The following MAF variants were observed in gnomAD, a reference collection of about 807,000 sequenced individuals.
MAF encodes transcription factor Maf.
Under a neutral mutation model 22.0 loss-of-function variants are expected in MAF, and 10 were observed. The observed-to-expected ratio is 0.45, with a 90% CI of 0.28 to 0.77. The LOEUF is 0.77. Ranked by LOEUF, MAF falls within the 30% of genes least tolerant of loss-of-function variation. The pLI is 0.12. For missense variants in MAF, 544 were observed against 548.4 expected, an observed-to-expected ratio of 0.99 and a Z score of 0.08; for synonymous variants, 337 against 255.8, an observed-to-expected ratio of 1.32 and a Z score of -3.03.
At chr16:79,370,850 G>C in the MAF span, among the ~76,000 whole-genome samples, 1 of 152,066 alleles carries the variant, frequency 6.6e-6, no homozygotes, top group Non-Finnish European at 1.5e-5. Flanking sequence ...CTGTGTAGTG[G>C]TGTGGTTGTC....
chr16:79,449,831 G>A, the MAF span, among the ~76,000 whole-genome samples: 1 of 152,206 alleles, frequency 6.6e-6, no homozygotes, highest in South Asian at 2.1e-4. Flanking sequence ...GGTAACTCTA[G>A]AAGAGGTTCA....
chr16:79,285,927 A>C, the MAF span, among the ~76,000 whole-genome samples: 1 of 152,210 alleles, frequency 6.6e-6, no homozygotes, highest in Non-Finnish European at 1.5e-5. Context: ...AAGGGGCACC[A>C]TCTCTGCCCC....
the MAF span, among the ~76,000 whole-genome samples, chr16:79,269,826 T>C: frequency 6.6e-6 from 1 of 152,142 alleles, no homozygotes; most frequent in African/African-American, 2.4e-5. Flanking sequence ...TCCACGGACC[T>C]ACTTTCTATT....
chr16:79,401,599 G>C, the MAF span, among the ~76,000 whole-genome samples: 1 of 152,116 alleles, frequency 6.6e-6, no homozygotes. Flanking sequence ...ATGTACTCAT[G>C]AACTTTAGAG....
At chr16:79,217,898 T>C in the MAF span, among the ~76,000 whole-genome samples, 1 of 141,832 alleles carries the variant, frequency 7.1e-6, no homozygotes, top group African/African-American at 2.6e-5. Flanking sequence ...ATGACGTTCA[T>C]CAAGGTCAAC....
chr16:79,370,000 G>A, the MAF span, among the ~76,000 whole-genome samples: 27 of 152,166 alleles, frequency 1.8e-4, no homozygotes, highest in African/African-American at 6.0e-4. Flanking sequence ...GAAATGTCAC[G>A]GAGGTGACTC....
the MAF span, among the ~76,000 whole-genome samples, chr16:79,571,848 T>C: frequency 6.6e-6 from 1 of 152,162 alleles, no homozygotes; most frequent in Non-Finnish European, 1.5e-5. Flanking sequence ...CATCATTTCT[T>C]TGCAGGAAGT....
the MAF span, among the ~76,000 whole-genome samples, chr16:79,324,579 C>T: frequency 6.6e-5 from 10 of 152,084 alleles, no homozygotes; most frequent in African/African-American, 2.4e-4. Context: ...AAATAAGAAT[C>T]GGAGGTCCAG....
chr16:79,533,522 G>C, the MAF span, among the ~76,000 whole-genome samples: 91 of 152,304 alleles, frequency 6.0e-4, no homozygotes, highest in African/African-American at 2.1e-3. Flanking sequence ...GGTTGAGTGA[G>C]AGGGAGGAAG....
the MAF span, among the ~76,000 whole-genome samples, chr16:79,475,892 G>A: frequency 6.6e-6 from 1 of 152,146 alleles, no homozygotes. Context: ...TCTTTCCCTT[G>A]AGTGGGGTCA....
At chr16:79,205,485 C>T in the MAF span, 2 of 152,212 alleles carry the variant, frequency 1.3e-5, no homozygotes, top group Non-Finnish European at 2.9e-5. Context: ...ATGTTCTCTT[C>T]TGGAGGGCTA....
chr16:79,590,066 C>A (rs1038946283), downstream of MAF, among the ~76,000 whole-genome samples: 1 of 152,164 alleles, frequency 6.6e-6, no homozygotes, highest in Non-Finnish European at 1.5e-5. Flanking sequence ...CCTCGGGGGA[C>A]CTCAGAGGGT....
the MAF span, among the ~76,000 whole-genome samples, chr16:79,210,364 G>A: frequency 6.6e-6 from 1 of 152,180 alleles, no homozygotes; most frequent in Non-Finnish European, 1.5e-5. Flanking sequence ...TGCAAGCATA[G>A]TGATTGCAAA....
the MAF span, among the ~76,000 whole-genome samples, chr16:79,500,637 A>G: frequency 4.6e-5 from 7 of 152,136 alleles, no homozygotes; most frequent in African/African-American, 1.7e-4. Flanking sequence ...AGTTCTGTTC[A>G]TCTAATCTCT....
At chr16:79,267,148 G>T in the MAF span, among the ~76,000 whole-genome samples, 1 of 152,206 alleles carries the variant, frequency 6.6e-6, no homozygotes, top group South Asian at 2.1e-4. Context: ...GAACAACAAA[G>T]TTCAATTTTG....
chr16:79,238,596 A>C, the MAF span, among the ~76,000 whole-genome samples: 12 of 152,066 alleles, frequency 7.9e-5, no homozygotes, highest in Admixed American at 3.3e-4. Flanking sequence ...CAAGACAGAA[A>C]GAGTCTCTGG....
At chr16:79,214,481 C>G in the MAF span, among the ~76,000 whole-genome samples, 40 of 152,290 alleles carry the variant, frequency 2.6e-4, 1 homozygote, top group Middle Eastern at 6.8e-3. Flanking sequence ...TCTCAGCTCA[C>G]TGCAACCTCC....
At chr16:79,579,180 A>T in the MAF span, among the ~76,000 whole-genome samples, 3 of 152,242 alleles carry the variant, frequency 2.0e-5, no homozygotes, top group African/African-American at 7.2e-5. Context: ...TCTTTGATGC[A>T]AAAATAATAC....
At chr16:79,408,337 C>T in the MAF span, among the ~76,000 whole-genome samples, 1 of 151,958 alleles carries the variant, frequency 6.6e-6, no homozygotes, top group East Asian at 1.9e-4. Context: ...CCACCACGCC[C>T]AGCTAATTTT....
Sources: gnomAD v4.1 joint callset for allele counts (sites outside exome capture counted in the v4.1 genomes callset) on GRCh38, gnomAD v4.1.1 for gene constraint, MANE v1.5 for transcripts, NCBI Gene and HGNC (gene_info 2026-07-23, HGNC 2026-07-21) for gene names.